CCDC102B: variants seen among roughly 807,000 people sequenced by gnomAD.
The protein encoded by CCDC102B is coiled-coil domain-containing protein 102B.
Under a neutral mutation model 57.4 loss-of-function variants are expected in CCDC102B, and 75 were observed. The ratio of observed to expected loss-of-function variants is 1.31; its 90% CI spans 1.08 to 1.58. The LOEUF is 1.58. CCDC102B is among the 40% of genes most tolerant of loss of function. The pLI is 0.00. For synonymous variants in CCDC102B, 206 were observed against 201.9 expected (o/e 1.02, Z -0.17); for missense variants, 636 against 582.6 (o/e 1.09, Z -0.94).
chr18:68,790,709 A>G (rs947657828), intron 2 of CCDC102B, among the ~76,000 whole-genome samples: 1 of 152,256 alleles, frequency 6.6e-6, no homozygotes, highest in South Asian at 2.1e-4. Flanking sequence ...GCGCGCACCC[A>G]CTGACCTGCG....
intron 7 of CCDC102B, among the ~76,000 whole-genome samples, chr18:69,020,007 CATG>C (rs2051784224): frequency 6.6e-6 from 1 of 151,846 alleles, no homozygotes; most frequent in African/African-American, 2.4e-5. Flanking sequence ...TGGTATATCA[CATG>C]AATTAATTCG....
intron 4 of CCDC102B, among the ~76,000 whole-genome samples, chr18:68,856,424 A>G (rs947541372): frequency 1.3e-5 from 2 of 152,054 alleles, no homozygotes; most frequent in Non-Finnish European, 2.9e-5. Context: ...TAGATTAGCT[A>G]GGACTACAGG....
intron 6 of CCDC102B, among the ~76,000 whole-genome samples, chr18:69,000,909 T>A (rs574901576): frequency 6.6e-6 from 1 of 152,318 alleles, no homozygotes; most frequent in African/African-American, 2.4e-5. Flanking sequence ...GATCTTAATG[T>A]CTGGTGAAAT....
At chr18:68,957,221 T>C (rs1459707397) in intron 6 of CCDC102B, among the ~76,000 whole-genome samples, 1 of 152,016 alleles carries the variant, frequency 6.6e-6, no homozygotes, top group Non-Finnish European at 1.5e-5. Context: ...TACTGGAGAG[T>C]TTCCCTAGAG....
intron 6 of CCDC102B, among the ~76,000 whole-genome samples, chr18:68,977,279 A>G (rs971636966): frequency 7.2e-5 from 11 of 151,966 alleles, no homozygotes; most frequent in African/African-American, 2.7e-4. Flanking sequence ...TTTTTAAAAA[A>G]TTGTACTTTA....
rs869077830 is a variant in CCDC102B at position 68,816,459 on chromosome 18, CTTTTTTTTTTTTTTT to C, written c.-16+18288_-16+18302del. ...CTATAGTCTTCTTCCTATTTCCTTT[CTTTTTTTTTTTTTTT>C]TTTTTTTTTGAGACGGAGTCTCGCT... is the stretch of plus-strand genomic sequence containing the variant. On this transcript the variant is annotated intron_variant, in intron 1 of 7. Transcript: ENST00000360242. 7.0e-5 allele frequency among the ~76,000 whole-genome samples: 7 copies of C among 100,598 alleles called. No individual in the cohort carries two copies. In the Admixed American group the frequency reaches 7.4e-4, roughly 11 times the overall value. The allele number at this position is 100,598 out of a possible 152,430, so 66.0% of individuals were successfully genotyped here. A position where few individuals can be genotyped will look rare whatever the true frequency, so the allele number is the denominator to read the frequency against.
At chr18:68,822,391 T>A (rs199989164) in intron 1 of CCDC102B, among the ~76,000 whole-genome samples, 22 of 123,928 alleles carry the variant, frequency 1.8e-4, no homozygotes, top group Non-Finnish European at 3.4e-4. Flanking sequence ...GAGACTCCAT[T>A]TCAAAAAAAG....
chr18:69,000,795 G>A (rs1032845996), intron 6 of CCDC102B, among the ~76,000 whole-genome samples: 6 of 152,046 alleles, frequency 3.9e-5, no homozygotes, highest in African/African-American at 1.2e-4. Context: ...TTGGAAATTT[G>A]AATTTTACAT....
At chr18:69,010,657 G>C (rs796100281) in intron 6 of CCDC102B, among the ~76,000 whole-genome samples, 7 of 152,100 alleles carry the variant, frequency 4.6e-5, no homozygotes, top group African/African-American at 1.7e-4. Flanking sequence ...TTTCCTTTTG[G>C]GGGAAGGTTA....
chr18:68,755,151 A>C (rs1297701693), intron 2 of CCDC102B: 1 of 152,218 alleles, frequency 6.6e-6, no homozygotes, highest in Non-Finnish European at 1.5e-5. Context: ...TTAGAAAACT[A>C]TGTAGAGCCT....
At chr18:68,921,182 G>T (rs61383018) in intron 6 of CCDC102B, among the ~76,000 whole-genome samples, 16,664 of 152,166 alleles carry the variant, frequency 0.11, 1,155 homozygotes, top group South Asian at 0.27. Flanking sequence ...GATATGGTTT[G>T]GCTGTATCCC....
intron 6 of CCDC102B, among the ~76,000 whole-genome samples, chr18:68,967,507 G>A (rs2050194872): frequency 6.6e-6 from 1 of 152,134 alleles, no homozygotes; most frequent in Admixed American, 6.6e-5. Flanking sequence ...GAAACAAGTT[G>A]AAGGACAATT....
chr18:68,979,389 ACT>A (rs2050519549), intron 6 of CCDC102B, among the ~76,000 whole-genome samples: 1 of 151,854 alleles, frequency 6.6e-6, no homozygotes. Context: ...CAAAATAGAA[ACT>A]CTCTAGTTCA....
chr18:68,921,275 T>G (rs551886790), intron 6 of CCDC102B, among the ~76,000 whole-genome samples: 25 of 152,286 alleles, frequency 1.6e-4, no homozygotes, highest in Admixed American at 8.5e-4. Context: ...AAGTCTTTCC[T>G]GTGCTGTTCT....
At chr18:68,886,945 C>T (rs2144978837) in intron 5 of CCDC102B, among the ~76,000 whole-genome samples, 1 of 150,088 alleles carries the variant, frequency 6.7e-6, no homozygotes, top group East Asian at 1.9e-4. Context: ...GCTTTATTTA[C>T]TTATTTCAGT....
chr18:68,848,567 T>A (rs2037978716), intron 4 of CCDC102B, among the ~76,000 whole-genome samples: 1 of 152,056 alleles, frequency 6.6e-6, no homozygotes, highest in Non-Finnish European at 1.5e-5. Context: ...AAGATAAGAA[T>A]TTAATTGTAA....
chr18:68,923,400 T>A (rs1218919966), intron 6 of CCDC102B, among the ~76,000 whole-genome samples: 1 of 151,900 alleles, frequency 6.6e-6, no homozygotes, highest in Non-Finnish European at 1.5e-5. Context: ...ATACAGTGTG[T>A]ATGACACCAA....
chr18:68,911,593 A>G (rs2040857583), intron 6 of CCDC102B, among the ~76,000 whole-genome samples: 1 of 150,264 alleles, frequency 6.7e-6, no homozygotes, highest in Admixed American at 6.6e-5. Flanking sequence ...TCTACTAAAA[A>G]TACAAAAAAT....
At chr18:68,810,690 T>G (rs1287116624) in intron 1 of CCDC102B, among the ~76,000 whole-genome samples, 1 of 138,892 alleles carries the variant, frequency 7.2e-6, no homozygotes, top group Non-Finnish European at 1.5e-5. Flanking sequence ...GTTTTTTTTT[T>G]TTTTTTTTTT....
Sources: allele counts gnomAD v4.1 joint callset (sites outside exome capture counted in the v4.1 genomes callset), GRCh38; gene constraint gnomAD v4.1.1; transcripts MANE v1.5; gene names NCBI Gene and HGNC (gene_info 2026-07-23, HGNC 2026-07-21).